The following CORO2B variants were observed in gnomAD, a reference collection of about 807,000 sequenced individuals.
CORO2B encodes coronin-2B.
A neutral mutation model predicts 58.8 loss-of-function variants in CORO2B; 26 were observed. That is an observed-to-expected ratio of 0.44 (90% CI 0.32 to 0.61). CORO2B has a LOEUF of 0.61. Ranked by LOEUF, CORO2B falls within the 20% of genes least tolerant of loss-of-function variation. The pLI is 0.04. For synonymous variants in CORO2B, 242 were observed against 253.8 expected (o/e 0.95, Z 0.44); for missense variants, 460 against 645.1 (o/e 0.71, Z 3.11).
At chr15:68,566,404 C>T in the CORO2B span, among the ~76,000 whole-genome samples, 7 of 152,132 alleles carry the variant, frequency 4.6e-5, no homozygotes, top group Non-Finnish European at 5.9e-5. Flanking sequence ...CTTATCTTCC[C>T]GATCACCACC....
chr15:68,723,699 A>T (rs1300215759), intron 11 of CORO2B, among the ~76,000 whole-genome samples: 1 of 151,724 alleles, frequency 6.6e-6, no homozygotes, highest in African/African-American at 2.4e-5. Context: ...TGATCCACCC[A>T]CCTTGGCCTC....
chr15:68,717,125 G>A (rs1280167248), intron 8 of CORO2B, among the ~76,000 whole-genome samples: 1 of 151,960 alleles, frequency 6.6e-6, no homozygotes, highest in African/African-American at 2.4e-5. Context: ...CCAATATGGT[G>A]AAACCCTGTC....
chr15:68,609,974 C>T (rs1400865689), intron 1 of CORO2B, among the ~76,000 whole-genome samples: 1 of 152,210 alleles, frequency 6.6e-6, no homozygotes, highest in Non-Finnish European at 1.5e-5. Context: ...ATTGTGCAAC[C>T]AGCCTCTCCC....
intron 1 of CORO2B, among the ~76,000 whole-genome samples, chr15:68,596,766 C>A (rs967881453): frequency 1.3e-5 from 2 of 152,170 alleles, no homozygotes; most frequent in African/African-American, 4.8e-5. Flanking sequence ...ACACAGCAGG[C>A]AGAGTCTTCC....
the CORO2B span, among the ~76,000 whole-genome samples, chr15:68,536,576 C>T: frequency 6.6e-6 from 1 of 152,186 alleles, no homozygotes; most frequent in Non-Finnish European, 1.5e-5. Context: ...AGAATCTTAG[C>T]CTTTGCAAAG....
intron 1 of CORO2B, among the ~76,000 whole-genome samples, chr15:68,633,535 A>ACACACACACT (rs1555412731): frequency 5.3e-5 from 8 of 151,904 alleles, no homozygotes; most frequent in African/African-American, 1.5e-4. Context: ...ACACACACAC[A>ACACACACACT]CACACACACA....
At chr15:68,642,088 G>A (rs548527156) in intron 1 of CORO2B, among the ~76,000 whole-genome samples, 1 of 146,514 alleles carries the variant, frequency 6.8e-6, no homozygotes, top group South Asian at 2.2e-4. Context: ...CCAAGCTGGA[G>A]TGCAGTGGCG....
upstream of CORO2B, among the ~76,000 whole-genome samples, chr15:68,577,601 GTCCCAGA>G (rs1899311867): frequency 6.6e-6 from 1 of 151,832 alleles, no homozygotes; most frequent in African/African-American, 2.4e-5. Context: ...CGTTCCTGTA[GTCCCAGA>G]TCCTCGGGGG....
chr15:68,642,766 T>C (rs535949430), intron 1 of CORO2B, among the ~76,000 whole-genome samples: 31 of 152,292 alleles, frequency 2.0e-4, no homozygotes, highest in Non-Finnish European at 4.1e-4. Context: ...CTGCGGATTC[T>C]GAGAAGGTCA....
the CORO2B span, among the ~76,000 whole-genome samples, chr15:68,529,910 G>A: frequency 2.0e-5 from 3 of 152,198 alleles, no homozygotes; most frequent in Admixed American, 6.5e-5. Context: ...TGAACTAAAG[G>A]TTACTTAGAA....
At chr15:68,533,416 A>G in the CORO2B span, among the ~76,000 whole-genome samples, 2 of 152,200 alleles carry the variant, frequency 1.3e-5, no homozygotes, top group Non-Finnish European at 2.9e-5. Flanking sequence ...GCTTAAACAG[A>G]CATGTAATAT....
intron 1 of CORO2B, among the ~76,000 whole-genome samples, chr15:68,615,158 A>G (rs1448200547): frequency 6.6e-6 from 1 of 152,028 alleles, no homozygotes; most frequent in African/African-American, 2.4e-5. Flanking sequence ...ATGATCCTCC[A>G]CCTCCCAGGG....
intron 2 of CORO2B, among the ~76,000 whole-genome samples, chr15:68,694,524 G>A (rs16952389): frequency 0.02 from 3,090 of 152,316 alleles, 107 homozygotes; most frequent in African/African-American, 0.07. Context: ...GTGTACCGGT[G>A]TTCAAGATGT....
the CORO2B span, among the ~76,000 whole-genome samples, chr15:68,551,214 C>T: frequency 6.6e-6 from 1 of 151,856 alleles, no homozygotes; most frequent in African/African-American, 2.4e-5. Flanking sequence ...AGAGAGGGGC[C>T]GCTCACAGGG....
chr15:68,716,097 C>T (rs1340742980), intron 8 of CORO2B, among the ~76,000 whole-genome samples: 1 of 152,198 alleles, frequency 6.6e-6, no homozygotes, highest in African/African-American at 2.4e-5. Context: ...TGAGAGCCCA[C>T]TCCAGTGACC....
At chr15:68,714,064 G>A in intron 6 of CORO2B, 23 bp downstream of exon 6, 1 of 1,534,532 alleles carries the variant, frequency 6.5e-7, no homozygotes, top group Non-Finnish European at 9.0e-7. Context: ...GAGGCCTGCT[G>A]GGTTTGGGCT....
the CORO2B span, among the ~76,000 whole-genome samples, chr15:68,560,539 T>A: frequency 6.6e-6 from 1 of 152,140 alleles, no homozygotes; most frequent in Non-Finnish European, 1.5e-5. Context: ...CCTCAAGTGA[T>A]CTTCCTGCCT....
intron 2 of CORO2B, among the ~76,000 whole-genome samples, chr15:68,659,543 T>C (rs12592448): frequency 0.42 from 63,597 of 151,914 alleles, 14,018 homozygotes; most frequent in Non-Finnish European, 0.49. Context: ...TAAGAGCCCC[T>C]CTCTAAAAAA....
intron 1 of CORO2B, among the ~76,000 whole-genome samples, chr15:68,622,545 A>C (rs906411547): frequency 2.6e-5 from 4 of 152,202 alleles, no homozygotes; most frequent in Non-Finnish European, 5.9e-5. Flanking sequence ...TGCCTTCAGC[A>C]ATGGGGAACT....
Sources: gnomAD v4.1 joint callset for allele counts (sites outside exome capture counted in the v4.1 genomes callset) on GRCh38, gnomAD v4.1.1 for gene constraint, MANE v1.5 for transcripts, NCBI Gene and HGNC (gene_info 2026-07-23, HGNC 2026-07-21) for gene names.